The following KLHL1 variants were observed in gnomAD, a reference collection of about 807,000 sequenced individuals.
The protein encoded by KLHL1 is kelch like family member 1, also known as kelch-like protein 1.
KLHL1 carries 47 observed loss-of-function variants against 77.7 expected under a neutral mutation model. The ratio of observed to expected loss-of-function variants is 0.60; its 90% CI spans 0.48 to 0.77. The LOEUF (loss-of-function observed/expected upper bound fraction) is 0.77. Among genes scored for constraint, KLHL1 ranks in the 30% least tolerant of loss-of-function variants. KLHL1 has a pLI of 0.00. For missense variants in KLHL1, 925 were observed against 910.8 expected (o/e 1.02, Z -0.20); for synonymous variants, 360 against 325.2 (o/e 1.11, Z -1.15).
intron 5 of KLHL1, among the ~76,000 whole-genome samples, chr13:69,873,329 C>A (rs1880652146): frequency 6.6e-6 from 1 of 152,162 alleles, no homozygotes; most frequent in South Asian, 2.1e-4. Flanking sequence ...TACACTTGCA[C>A]ACAAAATACC....
chr13:69,919,821 T>TA (rs1428394172), intron 4 of KLHL1, among the ~76,000 whole-genome samples: 1 of 152,126 alleles, frequency 6.6e-6, no homozygotes, highest in African/African-American at 2.4e-5. Flanking sequence ...AAAATAAAAA[T>TA]AAAAAAGGTC....
intron 1 of KLHL1, among the ~76,000 whole-genome samples, chr13:70,064,164 CAAGT>C (rs1316672896): frequency 6.6e-6 from 1 of 151,984 alleles, no homozygotes; most frequent in Non-Finnish European, 1.5e-5. Flanking sequence ...AACAAAGCAA[CAAGT>C]ATTTATTTTG....
At chr13:69,789,769 A>G (rs973760506) in intron 7 of KLHL1, among the ~76,000 whole-genome samples, 6 of 152,218 alleles carry the variant, frequency 3.9e-5, no homozygotes, top group African/African-American at 1.4e-4. Flanking sequence ...ACGTAAGGCC[A>G]ATAGTGTGCT....
At chr13:69,978,142 C>G (rs1432727941) in intron 1 of KLHL1, among the ~76,000 whole-genome samples, 1 of 152,094 alleles carries the variant, frequency 6.6e-6, no homozygotes, top group Non-Finnish European at 1.5e-5. Context: ...ATAGCAAGAA[C>G]AGCAGAATTC....
intron 7 of KLHL1, among the ~76,000 whole-genome samples, chr13:69,795,005 C>T (rs777702250): frequency 1.3e-4 from 20 of 152,128 alleles, no homozygotes; most frequent in East Asian, 3.9e-4. Context: ...AATCTTAGGC[C>T]GAGGATGTTT....
chr13:69,701,204 G>T lies in KLHL1; in HGVS notation c.*498C>A, dbSNP rs9542034. 0.25 allele frequency: 37,275 copies of T among 151,966 alleles called. 5,794 individuals carry two copies. The highest frequency in any genetic ancestry group is 0.43 in the African/African-American group (17,803 of 41,418). The allele number at this position is 151,966 out of a possible 1,614,324, so 9.4% of individuals were successfully genotyped here. ...AAATGAGGCAGAAGCAGGTTTGTTT[G>T]AATAAAGCATAATTCTGCTTCCCGT... On this transcript the variant is annotated 3_prime_UTR_variant, in exon 11 of 11. Coordinates refer to ENST00000377844, the MANE Select transcript of KLHL1 (RefSeq NM_020866.3).
At chr13:69,707,898 C>T (rs1875698505) in intron 9 of KLHL1, 102 bp from the exon 10 acceptor site, 5 of 914,948 alleles carry the variant, frequency 5.5e-6, no homozygotes, top group Non-Finnish European at 7.9e-6. Context: ...AAGGAAACTA[C>T]CTTTTTTTTT....
At chr13:69,860,637 A>T (rs1189590879) in intron 5 of KLHL1, among the ~76,000 whole-genome samples, 8 of 151,800 alleles carry the variant, frequency 5.3e-5, no homozygotes, top group Admixed American at 2.0e-4. Flanking sequence ...ATTTTATTTT[A>T]TTCCTCAAAA....
chr13:69,740,609 A>G (rs1315408345), intron 7 of KLHL1, 53 bp from the exon 8 acceptor site: 90 of 1,369,014 alleles, frequency 6.6e-5, no homozygotes, highest in Non-Finnish European at 9.0e-5. Flanking sequence ...CATATTGTAC[A>G]TTTAAAAATC....
intron 7 of KLHL1, among the ~76,000 whole-genome samples, chr13:69,780,703 T>TAC (rs1876109322): frequency 8.2e-5 from 1 of 12,258 alleles, no homozygotes; most frequent in Admixed American, 9.4e-4. Context: ...TATATATATG[T>TAC]ATATATATAT....
chr13:70,099,520 A>T (rs1887874504), intron 1 of KLHL1, among the ~76,000 whole-genome samples: 1 of 152,038 alleles, frequency 6.6e-6, no homozygotes, highest in South Asian at 2.1e-4. Flanking sequence ...AGTAAGTATA[A>T]TGGATGACTC....
intron 3 of KLHL1, among the ~76,000 whole-genome samples, chr13:69,948,636 T>C (rs569817875): frequency 1.2e-4 from 19 of 152,138 alleles, no homozygotes; most frequent in African/African-American, 4.6e-4. Context: ...CTATAAGATA[T>C]TTGAATTTAT....
At chr13:69,720,567 C>A (rs906596448) in intron 8 of KLHL1, among the ~76,000 whole-genome samples, 1 of 151,944 alleles carries the variant, frequency 6.6e-6, no homozygotes, top group Admixed American at 6.6e-5. Flanking sequence ...GTGCAAGGGA[C>A]ATAGAATCCA....
At chr13:70,047,545 A>C (rs1221827603) in intron 1 of KLHL1, among the ~76,000 whole-genome samples, 1 of 152,132 alleles carries the variant, frequency 6.6e-6, no homozygotes, top group East Asian at 1.9e-4. Flanking sequence ...TAATGTAGAC[A>C]ACCCATTCCT....
At chr13:69,791,802 C>G (rs930318356) in intron 7 of KLHL1, among the ~76,000 whole-genome samples, 1 of 152,194 alleles carries the variant, frequency 6.6e-6, no homozygotes, top group Admixed American at 6.5e-5. Context: ...AATTTAAGAC[C>G]TTAAATGTTT....
chr13:70,069,076 T>G (rs973013725), intron 1 of KLHL1, among the ~76,000 whole-genome samples: 3 of 152,184 alleles, frequency 2.0e-5, no homozygotes, highest in Admixed American at 2.0e-4. Flanking sequence ...TGAGATTTTA[T>G]CAAAATCTAA....
intron 9 of KLHL1, among the ~76,000 whole-genome samples, chr13:69,715,382 G>A (rs539885860): frequency 2.6e-5 from 4 of 152,008 alleles, no homozygotes; most frequent in South Asian, 2.1e-4. Flanking sequence ...TTCCTCCTTC[G>A]TGCACTCCCT....
At chr13:69,975,495 A>G in intron 2 of KLHL1, 125 bp downstream of exon 2, 1 of 792,902 alleles carries the variant, frequency 1.3e-6, no homozygotes. Context: ...CAACAACAAC[A>G]ACAAAAAACT....
intron 2 of KLHL1, among the ~76,000 whole-genome samples, chr13:69,970,683 A>G (rs902083314): frequency 6.6e-6 from 1 of 152,090 alleles, no homozygotes; most frequent in Admixed American, 6.6e-5. Context: ...ATCAGGATAA[A>G]TCCTTGCTTC....
Sources: allele counts gnomAD v4.1 joint callset (sites outside exome capture counted in the v4.1 genomes callset), GRCh38; gene constraint gnomAD v4.1.1; transcripts MANE v1.5; gene names NCBI Gene and HGNC (gene_info 2026-07-23, HGNC 2026-07-21).